The following CAMK2D variants were observed in gnomAD, a reference collection of about 807,000 sequenced individuals.
CAMK2D encodes calcium/calmodulin-dependent protein kinase type II subunit delta.
A neutral mutation model predicts 84.0 loss-of-function variants in CAMK2D; 37 were observed. That is an observed-to-expected ratio of 0.44 (90% CI 0.34 to 0.58). The LOEUF is 0.58. Ranked by LOEUF, CAMK2D falls within the 20% of genes least tolerant of loss-of-function variation. The pLI is 0.02. For missense variants in CAMK2D, 448 were observed against 652.5 expected (o/e 0.69, Z 3.41); for synonymous variants, 202 against 212.5 (o/e 0.95, Z 0.43).
intron 3 of CAMK2D, among the ~76,000 whole-genome samples, chr4:113,660,793 CT>C (rs551244067): frequency 0.046 from 5,923 of 129,354 alleles, 200 homozygotes; most frequent in African/African-American, 0.13. Context: ...CTGAACAATT[CT>C]TTTTTTTTTT....
chr4:113,570,819 T>G (rs1480986595), intron 4 of CAMK2D, among the ~76,000 whole-genome samples: 1 of 151,968 alleles, frequency 6.6e-6, no homozygotes, highest in Non-Finnish European at 1.5e-5. Flanking sequence ...ACTTAAAAGC[T>G]TCTGCTCAAA....
intron 2 of CAMK2D, among the ~76,000 whole-genome samples, chr4:113,688,427 C>T (rs2099366450): frequency 1.3e-5 from 2 of 152,176 alleles, no homozygotes; most frequent in Admixed American, 1.3e-4. Flanking sequence ...GTTATATGTA[C>T]TTGACATTAA....
chr4:113,678,501 T>A (rs955352393), intron 2 of CAMK2D, among the ~76,000 whole-genome samples: 1 of 152,050 alleles, frequency 6.6e-6, no homozygotes, highest in Admixed American at 6.6e-5. Context: ...TGACACATAT[T>A]ATAATAATTG....
intron 7 of CAMK2D, among the ~76,000 whole-genome samples, chr4:113,532,490 C>G (rs1253789667): frequency 1.3e-5 from 2 of 152,154 alleles, no homozygotes; most frequent in African/African-American, 4.8e-5. Flanking sequence ...AATGGTGGTT[C>G]CACTGCCTAA....
In CAMK2D at chr4:113,638,971, G is replaced by A. The variant is rs111282606; in HGVS notation, c.220+22742C>T. Reference sequence around the variant, plus strand: ...AAATATAAAAATGTAGGTTTGGCACGGTGGTTCACGCCTGTAATCCCAGCA... The same window carrying A: ...AAATATAAAAATGTAGGTTTGGCACAGTGGTTCACGCCTGTAATCCCAGCA... On this transcript the variant is annotated intron_variant, in intron 3 of 20. Transcript: ENST00000511664. Among the ~76,000 whole-genome samples the A allele has an allele frequency of 1.9e-3, 290 of 152,006 alleles. 2 individuals are homozygous for A. The highest frequency in any genetic ancestry group is 0.017 in the Middle Eastern group (5 of 294).
At chr4:113,507,884 A>G (rs947452021) in intron 13 of CAMK2D, among the ~76,000 whole-genome samples, 4 of 152,230 alleles carry the variant, frequency 2.6e-5, no homozygotes, top group Admixed American at 1.3e-4. Flanking sequence ...AATCACTCCT[A>G]TTTTAGCAAC....
rs976420780 is a variant in CAMK2D, at chr4:113,496,709, A to G, written c.1135+3754T>C. ...AGGGATCTGCCTGCCTCAGCCTCCGAAAGTGCTGGGATTACAGGTATGAGC... is the reference window on the plus strand; with the variant it reads ...AGGGATCTGCCTGCCTCAGCCTCCGGAAGTGCTGGGATTACAGGTATGAGC... On this transcript the variant is annotated intron_variant, in intron 16 of 20. Coordinates refer to ENST00000511664, the MANE Select transcript of CAMK2D (RefSeq NM_001321571.2). 9.9e-5 allele frequency among the ~76,000 whole-genome samples: 15 copies of G among 152,014 alleles called. 1 individual carries two copies. The East Asian group carries it at 2.9e-3, about 29-fold the overall frequency.
chr4:113,630,894 G>A (rs913471767), intron 3 of CAMK2D, among the ~76,000 whole-genome samples: 1 of 152,116 alleles, frequency 6.6e-6, no homozygotes, highest in African/African-American at 2.4e-5. Flanking sequence ...TCAGAGTGTT[G>A]TAATTTCATG....
intron 13 of CAMK2D, 73 bp from the exon 14 acceptor site, chr4:113,505,108 G>T: frequency 1.2e-6 from 1 of 807,876 alleles, no homozygotes; most frequent in Non-Finnish European, 2.0e-6. Context: ...GATGCAGCAT[G>T]TCTACATAGA....
intron 2 of CAMK2D, among the ~76,000 whole-genome samples, chr4:113,703,335 T>C (rs2099428716): frequency 6.6e-6 from 1 of 152,218 alleles, no homozygotes; most frequent in African/African-American, 2.4e-5. Flanking sequence ...GTGGCTTTTG[T>C]CTTAAGACAG....
rs939010456 is a variant in CAMK2D, at chr4:113,761,529, G to C, written c.-461C>G. On this transcript the variant is annotated 5_prime_UTR_variant, in exon 1 of 21. Transcript: ENST00000511664. ...GGCGGAGGTGGAGTGCAGCGGGGCC[G>C]AGGCCGCGGAGCCCAGAGCGGACAG... The C allele has an allele frequency of 1.7e-5, 17 of 1,005,334 alleles. No homozygotes were observed. In the East Asian group the frequency reaches 1.8e-3, roughly 105 times the overall value. 62.3% of individuals were successfully genotyped at this position (1,005,334 alleles called of 1,614,324 possible).
In CAMK2D at chr4:113,581,614, G is replaced by T. The variant is rs551412670; in HGVS notation, c.275+27538C>A. ...TATTTGATTTTTTTTTTCTTTAAAAGGTCTGAAATTTTCAGGTGAAAACTG... is the reference window on the plus strand; with the variant it reads ...TATTTGATTTTTTTTTTCTTTAAAATGTCTGAAATTTTCAGGTGAAAACTG... On this transcript the variant is annotated intron_variant, in intron 4 of 20. Coordinates refer to ENST00000511664, the MANE Select transcript of CAMK2D (RefSeq NM_001321571.2). 3.3e-5 allele frequency among the ~76,000 whole-genome samples: 5 copies of T among 150,852 alleles called. No homozygotes were observed. In the East Asian group the frequency reaches 7.7e-4, roughly 23 times the overall value.
In CAMK2D at chr4:113,640,313, T is replaced by C. The variant is rs184090173; in HGVS notation, c.220+21400A>G. On this transcript the variant is annotated intron_variant, in intron 3 of 20. Coordinates refer to ENST00000511664, the MANE Select transcript of CAMK2D (RefSeq NM_001321571.2). The stretch of plus-strand genomic sequence containing the variant: ...TTACTAATATATGAATGAAATGCCC[T>C]GCGTAGATTTAAGAGGTAGGCAGAA... Among the ~76,000 whole-genome samples the C allele has an allele frequency of 1.7e-4, 26 of 152,196 alleles. 1 individual carries two copies. Among genetic ancestry groups the C allele is most frequent in the Admixed American group, 1.6e-3 (25 of 15,282 alleles).
chr4:113,508,294 G>GAA, intron 13 of CAMK2D: 1 of 1,502,754 alleles, frequency 6.7e-7, no homozygotes, highest in Non-Finnish European at 9.0e-7. Context: ...AAAGAGAAAG[G>GAA]AAAAGAAAAA....
At chr4:113,727,998 A>AGACT (rs2099551374) in intron 2 of CAMK2D, among the ~76,000 whole-genome samples, 1 of 152,204 alleles carries the variant, frequency 6.6e-6, no homozygotes. Context: ...GCTAAAACAA[A>AGACT]GACTGACAAT....
At chr4:113,548,833 C>G in intron 5 of CAMK2D, 2 of 581,098 alleles carry the variant, frequency 3.4e-6, no homozygotes, top group Non-Finnish European at 6.1e-6. Flanking sequence ...AACAAACAAA[C>G]AAAAATTATA....
intron 2 of CAMK2D, among the ~76,000 whole-genome samples, chr4:113,727,621 C>T (rs2099550141): frequency 6.6e-6 from 1 of 152,178 alleles, no homozygotes; most frequent in East Asian, 1.9e-4. Context: ...GCAAAGATTA[C>T]TTAAGAAAGA....
intron 16 of CAMK2D, among the ~76,000 whole-genome samples, chr4:113,476,778 T>C (rs549148736): frequency 1.3e-4 from 20 of 152,186 alleles, no homozygotes; most frequent in Non-Finnish European, 2.2e-4. Flanking sequence ...ATGTAAAACC[T>C]AAGATTGGTC....
chr4:113,684,155 C>T (rs1485356943), intron 2 of CAMK2D, among the ~76,000 whole-genome samples: 5 of 152,252 alleles, frequency 3.3e-5, no homozygotes, highest in Admixed American at 2.6e-4. Flanking sequence ...GTGGAGTACA[C>T]AATGGAACCA....
Sources: gnomAD v4.1 joint callset for allele counts (sites outside exome capture counted in the v4.1 genomes callset) on GRCh38, gnomAD v4.1.1 for gene constraint, MANE v1.5 for transcripts, NCBI Gene and HGNC (gene_info 2026-07-23, HGNC 2026-07-21) for gene names.